Variants in SNTG1 observed in about 807,000 individuals in gnomAD.
SNTG1 encodes syntrophin gamma 1.
In SNTG1, 39 loss-of-function variants were observed where a neutral mutation model predicts 74.7. The ratio of observed to expected loss-of-function variants is 0.52; its 90% confidence interval spans 0.40 to 0.68. SNTG1 has a LOEUF of 0.68. SNTG1 is among the 30% of genes least tolerant of loss of function. The probability of loss-of-function intolerance (pLI) is 0.00; values close to 1 mark genes in which losing one functional copy is unlikely to be tolerated. For missense variants in SNTG1, 685 were observed against 609.5 expected (o/e 1.12, Z -1.30); for synonymous variants, 254 against 217.1 (o/e 1.17, Z -1.49).
chr8:50,175,322 G>T (rs920252290), intron 2 of SNTG1, among the ~76,000 whole-genome samples: 1 of 152,158 alleles, frequency 6.6e-6, no homozygotes, highest in Non-Finnish European at 1.5e-5. Flanking sequence ...GAACTTGGCT[G>T]CTCTGTCACT....
At chr8:50,659,615 C>T (rs1213405230) in intron 15 of SNTG1, among the ~76,000 whole-genome samples, 1 of 152,146 alleles carries the variant, frequency 6.6e-6, no homozygotes, top group Non-Finnish European at 1.5e-5. Context: ...CTGAAGTTCT[C>T]TGAAGTGCAA....
At chr8:50,676,450 G>A (rs971274281) in intron 15 of SNTG1, among the ~76,000 whole-genome samples, 8 of 151,936 alleles carry the variant, frequency 5.3e-5, no homozygotes, top group African/African-American at 1.9e-4. Flanking sequence ...CAAAGTTCTC[G>A]TGCTGTGTTA....
intron 12 of SNTG1, among the ~76,000 whole-genome samples, chr8:50,563,059 G>A (rs146279610): frequency 1.3e-3 from 204 of 152,250 alleles, no homozygotes; most frequent in African/African-American, 4.5e-3. Context: ...CACACAAGAC[G>A]AGAATAAGGA....
At chr8:49,933,719 C>T (rs1039996922) in intron 1 of SNTG1, among the ~76,000 whole-genome samples, 17 of 152,172 alleles carry the variant, frequency 1.1e-4, no homozygotes, top group African/African-American at 3.6e-4. Context: ...TGTCCAGTCT[C>T]ATCCAAATAT....
At position 50,082,309 on chromosome 8, in the gene SNTG1, T is replaced by C. The variant is rs559551571; in HGVS notation, c.-102-90252T>C. ...TTTAAAAATTTTTGCTAAATATTGG[T>C]TACACTCTTGTTTCTTTTTACTTTT... is the stretch of plus-strand genomic sequence containing the variant. On this transcript the variant is annotated intron_variant, in intron 1 of 18. Transcript: ENST00000642720. 3.3e-5 allele frequency among the ~76,000 whole-genome samples: 5 copies of C among 152,316 alleles called. No individual in the cohort carries two copies. The South Asian group carries it at 1.0e-3, about 32-fold the overall frequency.
intron 15 of SNTG1, among the ~76,000 whole-genome samples, chr8:50,687,576 T>C (rs2131421152): frequency 6.6e-6 from 1 of 152,030 alleles, no homozygotes; most frequent in Non-Finnish European, 1.5e-5. Flanking sequence ...ATACGTTCTT[T>C]TTTTATTATT....
chr8:50,493,823 AC>A (rs2093880070), intron 8 of SNTG1, among the ~76,000 whole-genome samples: 1 of 151,536 alleles, frequency 6.6e-6, no homozygotes, highest in Non-Finnish European at 1.5e-5. Context: ...CTGAAAAAAA[AC>A]AAAAATAATA....
At chr8:50,152,137 A>C (rs1245714332) in intron 1 of SNTG1, among the ~76,000 whole-genome samples, 1 of 151,972 alleles carries the variant, frequency 6.6e-6, no homozygotes, top group African/African-American at 2.4e-5. Flanking sequence ...TTCTTGTCGA[A>C]TTTCTCCCTT....
At chr8:50,455,762 G>A (rs1005278977) in intron 8 of SNTG1, among the ~76,000 whole-genome samples, 2 of 152,144 alleles carry the variant, frequency 1.3e-5, no homozygotes, top group Admixed American at 6.5e-5. Flanking sequence ...ATGTCACCAA[G>A]GAACATATTT....
chr8:50,151,386 A>G (rs1489641798), intron 1 of SNTG1, among the ~76,000 whole-genome samples: 2 of 152,042 alleles, frequency 1.3e-5, no homozygotes, highest in African/African-American at 2.4e-5. Flanking sequence ...TGATTTTTTT[A>G]AAGGCTTTTT....
intron 1 of SNTG1, among the ~76,000 whole-genome samples, chr8:49,926,243 A>G (rs1393640614): frequency 1.3e-5 from 2 of 152,136 alleles, no homozygotes; most frequent in Non-Finnish European, 2.9e-5. Flanking sequence ...TTGATTTTAT[A>G]ATTACCCATA....
chr8:50,385,833 A>C (rs537781437), intron 2 of SNTG1, among the ~76,000 whole-genome samples: 55 of 152,320 alleles, frequency 3.6e-4, no homozygotes, highest in African/African-American at 1.3e-3. Flanking sequence ...ACAGAGCTTC[A>C]ATTAGAGTCA....
chr8:50,688,316 C>T (rs1190264245), intron 15 of SNTG1, among the ~76,000 whole-genome samples: 2 of 152,170 alleles, frequency 1.3e-5, no homozygotes, highest in Non-Finnish European at 2.9e-5. Flanking sequence ...GTATTTTAGA[C>T]ATGAAGTCCT....
chr8:50,175,912 A>G (rs917900123), intron 2 of SNTG1, among the ~76,000 whole-genome samples: 1 of 152,014 alleles, frequency 6.6e-6, no homozygotes, highest in Non-Finnish European at 1.5e-5. Flanking sequence ...ATTTAAAGCT[A>G]GGCTGGCTTC....
chr8:50,742,314 T>C (rs551065168), intron 17 of SNTG1, among the ~76,000 whole-genome samples: 2 of 152,114 alleles, frequency 1.3e-5, no homozygotes, highest in East Asian at 1.9e-4. Context: ...ATTGAAATTA[T>C]ACAAAATATC....
At chr8:49,965,282 G>T (rs1376806737) in intron 1 of SNTG1, among the ~76,000 whole-genome samples, 1 of 152,134 alleles carries the variant, frequency 6.6e-6, no homozygotes, top group Non-Finnish European at 1.5e-5. Context: ...ACAGAAGGAG[G>T]CACTCAGTAG....
At chr8:50,331,420 T>C (rs2090964134) in intron 2 of SNTG1, among the ~76,000 whole-genome samples, 1 of 152,130 alleles carries the variant, frequency 6.6e-6, no homozygotes, top group Non-Finnish European at 1.5e-5. Context: ...GAAACAGCCC[T>C]GAGTGAGGAA....
At chr8:50,007,055 G>T (rs1341025840) in intron 1 of SNTG1, among the ~76,000 whole-genome samples, 2 of 152,100 alleles carry the variant, frequency 1.3e-5, no homozygotes, top group Non-Finnish European at 1.5e-5. Flanking sequence ...GGGAGGAGGA[G>T]TCCCAGGACA....
intron 2 of SNTG1, among the ~76,000 whole-genome samples, chr8:50,304,102 C>A (rs999195252): frequency 6.6e-6 from 1 of 152,030 alleles, no homozygotes; most frequent in African/African-American, 2.4e-5. Context: ...CTTTAAGAGG[C>A]GATTAGACCC....
Sources: allele counts gnomAD v4.1 joint callset (sites outside exome capture counted in the v4.1 genomes callset), GRCh38; gene constraint gnomAD v4.1.1; transcripts MANE v1.5; gene names NCBI Gene and HGNC (gene_info 2026-07-23, HGNC 2026-07-21).